TMEM161B: variants seen among roughly 807,000 people sequenced by gnomAD.
TMEM161B encodes the protein transmembrane protein 161B.
Under a neutral mutation model 61.8 loss-of-function variants are expected in TMEM161B, and 34 were observed. That is an observed-to-expected ratio of 0.55 (90% confidence interval 0.42 to 0.73). The LOEUF (loss-of-function observed/expected upper bound fraction) is 0.73, where lower values mean the gene tolerates loss of function less well. TMEM161B is among the 30% of genes least tolerant of loss of function. The probability of loss-of-function intolerance (pLI) is 0.00; values close to 1 mark genes in which losing one functional copy is unlikely to be tolerated. For missense variants in TMEM161B, 456 were observed against 558.5 expected (o/e 0.82, Z 1.85); for synonymous variants, 167 against 192.8 (o/e 0.87, Z 1.11).
In TMEM161B at chr5:88,203,264, A is replaced by G. The variant is rs561809201; in HGVS notation, c.801-189T>C. On this transcript the variant is annotated intron_variant, in intron 8 of 11. Transcript: ENST00000296595. ...CACTGATTTGAGCCTGTGAGAAATT[A>G]TATCATTATCTTAATTTTTCAAATG... Among the ~76,000 whole-genome samples, 42 of 152,288 alleles carry G rather than the reference A, an allele frequency of 2.8e-4. No homozygotes were observed. In the East Asian group the frequency reaches 3.7e-3, roughly 13 times the overall value.
chr5:88,223,232 T>C (rs1749339019), intron 4 of TMEM161B, among the ~76,000 whole-genome samples: 1 of 149,840 alleles, frequency 6.7e-6, no homozygotes, highest in South Asian at 2.1e-4. Context: ...TTCTTTCTAA[T>C]GAGTTAAGAA....
In TMEM161B at chr5:88,254,913, G is replaced by C. The variant is rs76823134; in HGVS notation, c.3+13808C>G. Among the ~76,000 whole-genome samples, 126 of 150,468 alleles carry C rather than the reference G, an allele frequency of 8.4e-4. 3 individuals carry two copies. The East Asian group carries it at 0.024, about 29-fold the overall frequency. On this transcript the variant is annotated intron_variant, in intron 1 of 11. Coordinates refer to ENST00000296595, the MANE Select transcript of TMEM161B (RefSeq NM_153354.5). ...GGACATTATACAGGTTACAAGAATA[G>C]GAAAATCCAGGATGATTAAGTGGGT...
chr5:88,206,388 A>T (rs1040703604), intron 7 of TMEM161B, 51 bp downstream of exon 7: 2 of 1,434,310 alleles, frequency 1.4e-6, no homozygotes, highest in African/African-American at 2.9e-5. Context: ...CTGCTTTATT[A>T]AAAATAGAAA....
chr5:88,197,927 G>T (rs1042681690), intron 10 of TMEM161B, 162 bp from the exon 11 acceptor site: 6 of 486,490 alleles, frequency 1.2e-5, no homozygotes, highest in African/African-American at 1.2e-4. Context: ...TCCCCAAAAT[G>T]ACTTTGGAAA....
chr5:88,217,045 G>C (rs959498568), intron 5 of TMEM161B, among the ~76,000 whole-genome samples: 1 of 152,110 alleles, frequency 6.6e-6, no homozygotes, highest in Admixed American at 6.5e-5. Context: ...TCAAATACAG[G>C]GTTGATGAAT....
At chr5:88,238,269 ACT>A (rs1752184798) in intron 2 of TMEM161B, among the ~76,000 whole-genome samples, 1 of 151,852 alleles carries the variant, frequency 6.6e-6, no homozygotes, top group Non-Finnish European at 1.5e-5. Context: ...GCAACTTCAA[ACT>A]CTCCATTTCA....
chr5:88,237,021 T>A (rs1751966245), intron 2 of TMEM161B, among the ~76,000 whole-genome samples: 2 of 152,148 alleles, frequency 1.3e-5, no homozygotes, highest in Non-Finnish European at 2.9e-5. Context: ...TGAGCAGCCA[T>A]AAATCACATA....
At chr5:88,238,486 CTTTTAAA>C (rs1752220408) in intron 2 of TMEM161B, among the ~76,000 whole-genome samples, 2 of 151,966 alleles carry the variant, frequency 1.3e-5, no homozygotes, top group Non-Finnish European at 1.5e-5. Context: ...TTGAATAGTT[CTTTTAAA>C]TAGTTCTATT....
downstream of TMEM161B, among the ~76,000 whole-genome samples, chr5:88,186,992 A>G (rs114250572): frequency 8.7e-3 from 1,327 of 152,320 alleles, 11 homozygotes; most frequent in Non-Finnish European, 0.014. Flanking sequence ...CTAATTGCCA[A>G]ACTATGTTGT....
chr5:88,190,563 C>T (rs960017384), downstream of TMEM161B, among the ~76,000 whole-genome samples: 2 of 152,128 alleles, frequency 1.3e-5, no homozygotes, highest in African/African-American at 4.8e-5. Flanking sequence ...CTGATGCCCG[C>T]AAAGGGGCAG....
chr5:88,244,616 A>G (rs545545988), intron 1 of TMEM161B, among the ~76,000 whole-genome samples: 2 of 131,870 alleles, frequency 1.5e-5, no homozygotes, highest in South Asian at 2.4e-4. Context: ...GGAGTGCCAT[A>G]GCTATTTGAG....
intron 7 of TMEM161B, 46 bp downstream of exon 7, chr5:88,206,393 T>C (rs1162994670): frequency 1.4e-6 from 2 of 1,455,460 alleles, no homozygotes; most frequent in African/African-American, 1.4e-5. Context: ...TTATTAAAAA[T>C]AGAAAAGGTT....
Position 88,268,817 on chromosome 5 carries a change from A to C in TMEM161B, c.-94T>G. 2.5e-6 allele frequency: 4 copies of C among 1,597,050 alleles called. No homozygotes were observed. Among genetic ancestry groups the C allele is most frequent in the Non-Finnish European group, 2.6e-6 (3 of 1,167,930 alleles). On this transcript the variant is annotated 5_prime_UTR_variant, in exon 1 of 12. Transcript: ENST00000296595. ...CGGTCCTTGAGCCGAGAGACTCTCA[A>C]ACAGCGAAAGAGAGGGTCTTCCGGC...
At chr5:88,232,295 G>T (rs1042842880) in intron 2 of TMEM161B, among the ~76,000 whole-genome samples, 2 of 152,110 alleles carry the variant, frequency 1.3e-5, no homozygotes, top group Non-Finnish European at 2.9e-5. Flanking sequence ...GTCCATGAAT[G>T]ACCATAAAAG....
At chr5:88,262,679 C>T (rs1179692434) in intron 1 of TMEM161B, among the ~76,000 whole-genome samples, 1 of 152,046 alleles carries the variant, frequency 6.6e-6, no homozygotes, top group African/African-American at 2.4e-5. Context: ...CCAACTATAT[C>T]CAAACCCATA....
At chr5:88,205,403 T>C (rs1057139647) in intron 8 of TMEM161B, among the ~76,000 whole-genome samples, 3 of 152,076 alleles carry the variant, frequency 2.0e-5, no homozygotes, top group Non-Finnish European at 4.4e-5. Context: ...AAAATGTTTT[T>C]AAGTAAAATT....
chr5:88,214,355 T>A (rs1747417831), intron 5 of TMEM161B, among the ~76,000 whole-genome samples: 2 of 152,144 alleles, frequency 1.3e-5, no homozygotes, highest in South Asian at 4.1e-4. Flanking sequence ...AGAAGCTTTA[T>A]CACTCTTTGT....
intron 1 of TMEM161B, among the ~76,000 whole-genome samples, chr5:88,251,607 AG>A (rs1754347857): frequency 8.4e-5 from 1 of 11,886 alleles, no homozygotes; most frequent in South Asian, 5.2e-3. Context: ...GTTAGAAGCA[AG>A]ATGGGAGTCA....
At chr5:88,207,253 T>G in intron 5 of TMEM161B, 73 bp from the exon 6 acceptor site, 2 of 1,364,572 alleles carry the variant, frequency 1.5e-6, no homozygotes, top group Non-Finnish European at 2.0e-6. Flanking sequence ...TTATAGGACT[T>G]GATTGCAATA....
Sources: gnomAD v4.1 joint callset for allele counts (sites outside exome capture counted in the v4.1 genomes callset) on GRCh38, gnomAD v4.1.1 for gene constraint, MANE v1.5 for transcripts, NCBI Gene and HGNC (gene_info 2026-07-23, HGNC 2026-07-21) for gene names.